GRIP2: variants seen among roughly 807,000 people sequenced by gnomAD.
The protein encoded by GRIP2 is glutamate receptor interacting protein 2.
A neutral mutation model predicts 108.3 loss-of-function variants in GRIP2; 58 were observed. The observed-to-expected ratio is 0.54, with a 90% CI of 0.43 to 0.67. The LOEUF (loss-of-function observed/expected upper bound fraction) is 0.67. Among genes scored for constraint, GRIP2 ranks in the 30% least tolerant of loss-of-function variants. The pLI is 0.00. For synonymous variants in GRIP2, 586 were observed against 598.2 expected, an observed-to-expected ratio of 0.98 and a Z score of 0.30; for missense variants, 1,278 against 1,430.6, an observed-to-expected ratio of 0.89 and a Z score of 1.72.
rs764226898 is a variant in GRIP2 at position 14,505,336 on chromosome 3, C to T, written c.2573+279G>A. 6.6e-6 allele frequency among the ~76,000 whole-genome samples: 1 copy of T among 152,128 alleles called. No homozygotes were observed. The highest frequency in any genetic ancestry group is 1.5e-5 in the Non-Finnish European group (1 of 68,004). On this transcript the variant is annotated intron_variant, in intron 20 of 23. Transcript: ENST00000621039. This position sits in a 1 kb window ranked among gnomAD's most constrained non-coding sequence, Gnocchi z 4.2. ...CTGGGTTCAAGTTCTGAGTCTGCTGCTCTTCTGAGAACAGGAGATGACCAA... is the reference window on the plus strand; with the variant it reads ...CTGGGTTCAAGTTCTGAGTCTGCTGTTCTTCTGAGAACAGGAGATGACCAA...
chr3:14,505,691 T>A lies in GRIP2; in HGVS notation c.2497A>T (p.Thr833Ser), dbSNP rs759099315. ...GSPPPTEPRRTSYTPTPADES... is the reference protein window; with the variant it reads ...GSPPPTEPRRSSYTPTPADES... ...TCAGCTGGGGTTGGGGTATAGCTCG[T>A]CCTCCGGGGCTCGGTGGGTGGGGGG... is the stretch of plus-strand genomic sequence containing the variant. The change falls in exon 20 of 24, where the codon ACG (threonine) becomes TCG (serine). Residue 833 changes from threonine (T) to serine (S), a missense_variant. Coordinates refer to ENST00000621039, the MANE Select transcript of GRIP2 (RefSeq NM_001080423.4). This position sits in a 1 kb window ranked among gnomAD's most constrained non-coding sequence, Gnocchi z 4.2. The A allele has an allele frequency of 3.1e-6, 5 of 1,601,530 alleles. No individual in the cohort carries two copies. In the South Asian group the frequency reaches 5.6e-5, roughly 18 times the overall value.
chr3:14,564,062 G>C, the GRIP2 span, among the ~76,000 whole-genome samples: 1 of 152,210 alleles, frequency 6.6e-6, no homozygotes, highest in East Asian at 1.9e-4. Flanking sequence ...ACCCTGCCAG[G>C]GGAAGCAGCT....
intron 22 of GRIP2, among the ~76,000 whole-genome samples, chr3:14,495,193 GCCA>G (rs1693555129): frequency 6.6e-6 from 1 of 151,870 alleles, no homozygotes; most frequent in Admixed American, 6.6e-5. Flanking sequence ...GATGCTCCAG[GCCA>G]CAACACTCAA....
chr3:14,592,164 C>T, the GRIP2 span, among the ~76,000 whole-genome samples: 2 of 152,266 alleles, frequency 1.3e-5, no homozygotes, highest in African/African-American at 4.8e-5. Context: ...ACACTCGGGC[C>T]TGTCCTAGCT....
chr3:14,524,299 G>T, intron 4 of GRIP2, 94 bp downstream of exon 4: 1 of 1,422,750 alleles, frequency 7.0e-7, no homozygotes, highest in Non-Finnish European at 9.5e-7. Flanking sequence ...ACTCCATCTG[G>T]CATGATCCCT....
the GRIP2 span, chr3:14,573,597 C>T: frequency 6.9e-7 from 1 of 1,459,358 alleles, no homozygotes; most frequent in Non-Finnish European, 9.6e-7. Context: ...GGTGATCTCA[C>T]ACTCGCCGTT....
At position 14,555,037 on chromosome 3, in the gene GRIP2, A is replaced by G. The variant is rs138480328; in HGVS notation, c.55+863T>C. Among the ~76,000 whole-genome samples, 106 of 152,128 alleles carry G rather than the reference A, an allele frequency of 7.0e-4. 2 individuals carry two copies. The East Asian group carries it at 0.019, about 27-fold the overall frequency. Reference sequence around the variant, plus strand: ...GATGGAGACATGGCAGCAAAGGTGAAGCCTGGGGTCACACAGCCTGGGGGG... The same window carrying G: ...GATGGAGACATGGCAGCAAAGGTGAGGCCTGGGGTCACACAGCCTGGGGGG... On this transcript the variant is annotated intron_variant, in intron 1 of 23. Transcript: ENST00000637182.
chr3:14,560,293 T>G (rs1273474458), upstream of GRIP2, among the ~76,000 whole-genome samples: 3 of 152,090 alleles, frequency 2.0e-5, no homozygotes, highest in African/African-American at 4.8e-5. Context: ...AAAAAGCACG[T>G]GTATGTATAC....
In GRIP2 at chr3:14,517,494, C is replaced by CT. The variant is rs146509076; in HGVS notation, c.1156+277dup. Among the ~76,000 whole-genome samples, 820 of 107,636 alleles carry CT rather than the reference C, an allele frequency of 7.6e-3. 18 individuals carry two copies. The highest frequency in any genetic ancestry group is 0.026 in the East Asian group (99 of 3,800). 70.6% of individuals were successfully genotyped at this position (107,636 alleles called of 152,430 possible). ...GAGGCAGGCCACCTAATCTCTCTCT[C>CT]TTTTTTTTTTTTTTTTTTTTTTTTT... is the stretch of plus-strand genomic sequence containing the variant. On this transcript the variant is annotated intron_variant, in intron 10 of 23. Transcript: ENST00000621039.
upstream of GRIP2, among the ~76,000 whole-genome samples, chr3:14,540,726 C>T (rs1694951362): frequency 6.6e-6 from 1 of 151,950 alleles, no homozygotes; most frequent in Non-Finnish European, 1.5e-5. This position sits in a 1 kb window ranked among gnomAD's most constrained non-coding sequence, Gnocchi z 4.1. Context: ...CGGCAGATTC[C>T]AAGAGAATTT....
intron 9 of GRIP2, among the ~76,000 whole-genome samples, chr3:14,519,090 G>A (rs908860060): frequency 4.6e-5 from 7 of 152,220 alleles, no homozygotes; most frequent in African/African-American, 1.7e-4. Flanking sequence ...CCGCGGCACC[G>A]AACCTGGCAC....
the GRIP2 span, chr3:14,572,844 C>G: frequency 4.0e-5 from 44 of 1,102,512 alleles, no homozygotes; most frequent in African/African-American, 6.1e-4. Context: ...GAGCCCGCAG[C>G]CAGCTCGGTG....
the GRIP2 span, among the ~76,000 whole-genome samples, chr3:14,566,100 A>T: frequency 0.33 from 50,291 of 152,076 alleles, 8,531 homozygotes; most frequent in Middle Eastern, 0.44. Context: ...ATGGCCAATA[A>T]CTGTGTGATC....
the GRIP2 span, among the ~76,000 whole-genome samples, chr3:14,571,955 G>A: frequency 6.6e-6 from 1 of 152,172 alleles, no homozygotes; most frequent in South Asian, 2.1e-4. Flanking sequence ...CGCTGCTGGT[G>A]GTGATGTAAA....
intron 23 of GRIP2, 113 bp from the exon 24 acceptor site, chr3:14,493,939 G>A (rs1693491820): frequency 2.8e-6 from 3 of 1,060,132 alleles, no homozygotes; most frequent in Non-Finnish European, 4.0e-6. Flanking sequence ...CTTGACGCAA[G>A]CCCTGACATC....
At chr3:14,539,719 G>T (rs967859495) in intron 1 of GRIP2, among the ~76,000 whole-genome samples, 7 of 152,148 alleles carry the variant, frequency 4.6e-5, no homozygotes, top group Non-Finnish European at 1.5e-5. Context: ...AGCACACCCA[G>T]GAATGTGGCA....
At chr3:14,595,723 C>T in the GRIP2 span, among the ~76,000 whole-genome samples, 2 of 152,244 alleles carry the variant, frequency 1.3e-5, no homozygotes, top group African/African-American at 4.8e-5. Flanking sequence ...GGAGGGGCTG[C>T]CTGGCTCCGC....
In GRIP2 at chr3:14,522,765, AC is replaced by A. The variant is rs1694448696; in HGVS notation, c.566+234del. 1 of 524,678 alleles carries A rather than the reference AC, an allele frequency of 1.9e-6. No homozygotes were observed. The highest frequency in any genetic ancestry group is 2.0e-5 in the African/African-American group (1 of 50,616). 32.5% of individuals were successfully genotyped at this position (524,678 alleles called of 1,614,324 possible). ...ACACCAAGGCTGCCCCTCTCCAAAC[AC>A]CCCAACCCCTGAGACAGCAGTATGT... On this transcript the variant is annotated intron_variant, in intron 6 of 23. Coordinates refer to ENST00000621039, the MANE Select transcript of GRIP2 (RefSeq NM_001080423.4). The surrounding 1 kb of genome is among the most constrained non-coding windows in gnomAD (Gnocchi z 4.3).
At chr3:14,571,104 C>G in the GRIP2 span, among the ~76,000 whole-genome samples, 1 of 152,130 alleles carries the variant, frequency 6.6e-6, no homozygotes, top group Non-Finnish European at 1.5e-5. Flanking sequence ...CAAATGTCCC[C>G]TGGGGAAAAA....
Sources: gnomAD v4.1 joint callset for allele counts (sites outside exome capture counted in the v4.1 genomes callset) on GRCh38, gnomAD v4.1.1 for gene constraint, Gnocchi (gnomAD v3.1) non-coding constraint, MANE v1.5 for transcripts, NCBI Gene and HGNC (gene_info 2026-07-23, HGNC 2026-07-21) for gene names.